SHISAL1: variants seen among roughly 807,000 people sequenced by gnomAD.
SHISAL1 encodes the protein shisa like 1, also known as protein shisa-like-1.
A neutral mutation model predicts 22.6 loss-of-function variants in SHISAL1; 9 were observed. The ratio of observed to expected loss-of-function variants is 0.40; its 90% CI spans 0.24 to 0.70. The LOEUF (loss-of-function observed/expected upper bound fraction) is 0.70. SHISAL1 is among the 30% of genes least tolerant of loss of function. SHISAL1 has a pLI of 0.39. For missense variants in SHISAL1, 246 were observed against 270.6 expected (o/e 0.91, Z 0.64); for synonymous variants, 119 against 115.4 (o/e 1.03, Z -0.20).
chr22:44,311,575 C>T (rs976054936), intron 1 of SHISAL1, among the ~76,000 whole-genome samples: 1 of 152,256 alleles, frequency 6.6e-6, no homozygotes, highest in Non-Finnish European at 1.5e-5. Flanking sequence ...TCTGCATGTG[C>T]TACTGTCTCG....
chr22:44,319,151 C>T, the SHISAL1 span, among the ~76,000 whole-genome samples: 3 of 152,390 alleles, frequency 2.0e-5, no homozygotes, highest in South Asian at 2.1e-4. Context: ...TGGCCTCGCA[C>T]GCGGTGGAGA....
At chr22:44,249,791 G>A in intron 4 of SHISAL1, 106 bp from the exon 5 acceptor site, 2 of 742,508 alleles carry the variant, frequency 2.7e-6, no homozygotes, top group East Asian at 2.5e-5. Flanking sequence ...TGAGCATGTG[G>A]GTTTTGTCTT....
At chr22:44,291,996 G>A (rs1220517019) in intron 3 of SHISAL1, among the ~76,000 whole-genome samples, 1 of 152,238 alleles carries the variant, frequency 6.6e-6, no homozygotes, top group African/African-American at 2.4e-5. Context: ...CTGGAAGCGG[G>A]CATCTCGCCG....
Position 44,304,733 on chromosome 22 carries a change from T to C in SHISAL1, c.-32-3756A>G, listed in dbSNP as rs192554316. Among the ~76,000 whole-genome samples, 23 of 152,138 alleles carry C rather than the reference T, an allele frequency of 1.5e-4. 1 individual carries two copies. The East Asian group carries it at 4.4e-3, about 29-fold the overall frequency. On this transcript the variant is annotated intron_variant, in intron 1 of 4. Transcript: ENST00000381176. Reference sequence around the variant, plus strand: ...AGTCCTATGGATCAGCCCTGGAAAATGCGCTGTGGGAGTGGAGAGTGACGG... The same window carrying C: ...AGTCCTATGGATCAGCCCTGGAAAACGCGCTGTGGGAGTGGAGAGTGACGG...
At chr22:44,271,918 T>C (rs1284361362) in intron 4 of SHISAL1, among the ~76,000 whole-genome samples, 2 of 152,224 alleles carry the variant, frequency 1.3e-5, no homozygotes, top group Admixed American at 1.3e-4. Context: ...CGCCTGGGCC[T>C]TTGTGGAAGT....
chr22:44,290,776 A>C (rs1478025739), intron 3 of SHISAL1, among the ~76,000 whole-genome samples: 1 of 152,150 alleles, frequency 6.6e-6, no homozygotes, highest in Non-Finnish European at 1.5e-5. Context: ...AGGCTGTGAG[A>C]TAACACGAGG....
intron 3 of SHISAL1, among the ~76,000 whole-genome samples, chr22:44,290,204 G>A (rs1446967603): frequency 6.6e-6 from 1 of 152,216 alleles, no homozygotes. Flanking sequence ...GAAGATGGCC[G>A]ATGGCCCCTC....
chr22:44,267,927 T>C (rs1042779724), intron 4 of SHISAL1, among the ~76,000 whole-genome samples: 2 of 152,236 alleles, frequency 1.3e-5, no homozygotes, highest in African/African-American at 4.8e-5. Flanking sequence ...GTCCTTATCC[T>C]GCAGGCCCTC....
At chr22:44,280,396 T>G (rs927756761) in intron 4 of SHISAL1, among the ~76,000 whole-genome samples, 2 of 152,096 alleles carry the variant, frequency 1.3e-5, no homozygotes, top group African/African-American at 2.4e-5. Flanking sequence ...CCAAGTTCAC[T>G]CATCCACACA....
the SHISAL1 span, among the ~76,000 whole-genome samples, chr22:44,318,340 C>T: frequency 6.6e-6 from 1 of 152,232 alleles, no homozygotes; most frequent in Non-Finnish European, 1.5e-5. Context: ...TCACAAATTT[C>T]TGGGGAATGG....
At chr22:44,303,447 C>G (rs1273598647) in intron 1 of SHISAL1, among the ~76,000 whole-genome samples, 1 of 152,090 alleles carries the variant, frequency 6.6e-6, no homozygotes, top group Admixed American at 6.5e-5. Flanking sequence ...ACAGAAACAC[C>G]TGTGCAGGGA....
intron 4 of SHISAL1, among the ~76,000 whole-genome samples, chr22:44,250,946 C>A (rs1462856169): frequency 1.3e-5 from 2 of 152,184 alleles, no homozygotes; most frequent in South Asian, 2.1e-4. Context: ...AGAGGCAGAA[C>A]CTACTCTCCA....
At chr22:44,312,176 C>T (rs937787402) in intron 1 of SHISAL1, among the ~76,000 whole-genome samples, 3 of 152,176 alleles carry the variant, frequency 2.0e-5, no homozygotes, top group African/African-American at 4.8e-5. Context: ...AAGGCGTATT[C>T]GGAGGGGCCA....
chr22:44,272,606 C>A (rs1389577911), intron 4 of SHISAL1, among the ~76,000 whole-genome samples: 1 of 152,196 alleles, frequency 6.6e-6, no homozygotes, highest in Non-Finnish European at 1.5e-5. Context: ...AAGACGTTTC[C>A]TTGGGGGGGA....
At chr22:44,270,917 C>T (rs940144191) in intron 4 of SHISAL1, among the ~76,000 whole-genome samples, 2 of 152,168 alleles carry the variant, frequency 1.3e-5, no homozygotes, top group African/African-American at 2.4e-5. Flanking sequence ...GTATCTCCTT[C>T]TTCTTGTCTG....
chr22:44,249,165 G>A lies in SHISAL1; in HGVS notation c.*520C>T, dbSNP rs1389616218. The stretch of plus-strand genomic sequence containing the variant: ...GACTCATGCCCATCAGAGAACTTGA[G>A]GGGGGAAGCCCCAATAAAAACCAAC... On this transcript the variant is annotated 3_prime_UTR_variant, in exon 5 of 5. Coordinates refer to ENST00000381176, the MANE Select transcript of SHISAL1 (RefSeq NM_001099294.2). 3.9e-5 allele frequency: 6 copies of A among 152,358 alleles called. No homozygotes were observed. The highest frequency in any genetic ancestry group is 2.6e-4 in the Admixed American group (4 of 15,232). The allele number at this position is 152,358 out of a possible 1,614,324, so 9.4% of individuals were successfully genotyped here.
At chr22:44,282,363 C>A (rs1422319676) in intron 4 of SHISAL1, among the ~76,000 whole-genome samples, 1 of 152,256 alleles carries the variant, frequency 6.6e-6, no homozygotes, top group Non-Finnish European at 1.5e-5. Flanking sequence ...GCCTCCACCT[C>A]CCCTGGCATC....
intron 3 of SHISAL1, among the ~76,000 whole-genome samples, chr22:44,291,212 G>A (rs553641887): frequency 6.6e-6 from 1 of 152,316 alleles, no homozygotes; most frequent in South Asian, 2.1e-4. Context: ...TGCTTCTACG[G>A]CCTTGTCACA....
intron 4 of SHISAL1, among the ~76,000 whole-genome samples, chr22:44,265,752 C>G (rs1214577112): frequency 4.6e-5 from 7 of 152,208 alleles, no homozygotes; most frequent in Non-Finnish European, 4.4e-5. Flanking sequence ...TCCCTCTACT[C>G]TATCCTCAGG....
Sources: gnomAD v4.1 joint callset for allele counts (sites outside exome capture counted in the v4.1 genomes callset) on GRCh38, gnomAD v4.1.1 for gene constraint, MANE v1.5 for transcripts, NCBI Gene and HGNC (gene_info 2026-07-23, HGNC 2026-07-21) for gene names.